Variants in EBF3 observed in about 807,000 individuals in gnomAD.
EBF3 encodes the protein EBF transcription factor 3.
In EBF3, 18 loss-of-function variants were observed where a neutral mutation model predicts 77.1. That is an observed-to-expected ratio of 0.23 (90% CI 0.16 to 0.35). EBF3 has a LOEUF of 0.35. Among genes scored for constraint, EBF3 ranks in the 10% least tolerant of loss-of-function variants. The pLI is 1.00. For missense variants in EBF3, 558 were observed against 860.0 expected (o/e 0.65, Z 4.39); for synonymous variants, 350 against 343.5 (o/e 1.02, Z -0.21).
chr10:129,960,919 A>C (rs1014732580), intron 4 of EBF3, among the ~76,000 whole-genome samples: 1 of 152,090 alleles, frequency 6.6e-6, no homozygotes, highest in African/African-American at 2.4e-5. Context: ...CTCTGAATCG[A>C]GTGAAATAAT....
chr10:129,847,749 A>G (rs1256633372), intron 11 of EBF3, among the ~76,000 whole-genome samples: 1 of 152,256 alleles, frequency 6.6e-6, no homozygotes, highest in Non-Finnish European at 1.5e-5. Flanking sequence ...AGGAAAAATT[A>G]TAAGCTTGAC....
chr10:129,926,215 G>C (rs1856658123), intron 6 of EBF3, among the ~76,000 whole-genome samples: 2 of 152,164 alleles, frequency 1.3e-5, no homozygotes, highest in African/African-American at 4.8e-5. Flanking sequence ...GCATCTGACG[G>C]GTGCCAGTCC....
At chr10:129,876,885 A>AACCCCCCCCCCCCCCCCC (rs1852809898) in intron 7 of EBF3, among the ~76,000 whole-genome samples, 1 of 42,368 alleles carries the variant, frequency 2.4e-5, no homozygotes, top group Non-Finnish European at 4.4e-5. Flanking sequence ...TCATCCCTGA[A>AACCCCCCCCCCCCCCCCC]CCCCCCCCCC....
Position 129,870,005 on chromosome 10 carries a change from TTACAG to T in EBF3, c.782-2098_782-2094del, listed in dbSNP as rs1214843818. Reference sequence around the variant, plus strand: ...GCAAATAATTCACAAAAAAAAAAAATTACAGTAAACAAATTTACTTTGGAGGTGAG... The same window carrying T: ...GCAAATAATTCACAAAAAAAAAAAATTAAACAAATTTACTTTGGAGGTGAG... On this transcript the variant is annotated intron_variant, in intron 8 of 16. Transcript: ENST00000440978. This position sits in a 1 kb window ranked among gnomAD's most constrained non-coding sequence, Gnocchi z 4.4. Among the ~76,000 whole-genome samples, 4 of 150,926 alleles carry T rather than the reference TTACAG, an allele frequency of 2.7e-5. No individual in the cohort carries two copies. Among genetic ancestry groups the T allele is most frequent in the Non-Finnish European group, 5.9e-5 (4 of 67,716 alleles).
intron 6 of EBF3, among the ~76,000 whole-genome samples, chr10:129,924,614 T>G (rs991587713): frequency 6.6e-6 from 1 of 152,120 alleles, no homozygotes; most frequent in African/African-American, 2.4e-5. Context: ...CAATCCCACA[T>G]CTCCGTGTAT....
chr10:129,951,710 G>A (rs116700197), intron 6 of EBF3, among the ~76,000 whole-genome samples: 1,886 of 152,332 alleles, frequency 0.012, 42 homozygotes, highest in African/African-American at 0.043. Flanking sequence ...CGCGGCAGGC[G>A]ACCACGCAAG....
chr10:129,958,739 G>T (rs1440764779), intron 5 of EBF3, among the ~76,000 whole-genome samples, 195 bp downstream of exon 5: 1 of 152,166 alleles, frequency 6.6e-6, no homozygotes, highest in Non-Finnish European at 1.5e-5. Flanking sequence ...GCAGCGGGTC[G>T]CGTTGATCGT....
At chr10:129,914,322 T>C (rs1317283845) in intron 6 of EBF3, among the ~76,000 whole-genome samples, 1 of 152,128 alleles carries the variant, frequency 6.6e-6, no homozygotes, top group East Asian at 1.9e-4. Context: ...TGGGCATCAG[T>C]GCTCTGGGCA....
intron 7 of EBF3, 118 bp downstream of exon 7, chr10:129,877,649 GT>G: frequency 2.6e-6 from 2 of 759,788 alleles, no homozygotes; most frequent in East Asian, 2.6e-5. Context: ...ACCAATTCCA[GT>G]TTGCTTCCAA....
rs376036741 is a variant in EBF3 at position 129,942,615 on chromosome 10, A to G, written c.554+14643T>C. On this transcript the variant is annotated intron_variant, in intron 6 of 16. Transcript: ENST00000440978. ...GGGGCACTGGGGAAAATTGGGGACT[A>G]CCACGTCCACACAGGGTGCATTCCA... 2.6e-5 allele frequency among the ~76,000 whole-genome samples: 4 copies of G among 152,274 alleles called. No homozygotes were observed. In the East Asian group the frequency reaches 7.7e-4, roughly 29 times the overall value.
At chr10:129,959,337 A>T (rs951640353) in intron 4 of EBF3, among the ~76,000 whole-genome samples, 5 of 151,318 alleles carry the variant, frequency 3.3e-5, no homozygotes, top group Non-Finnish European at 7.4e-5. Context: ...AAGGAGCGAG[A>T]GCCCGCTGGC....
chr10:129,846,389 ATAT>A (rs1252649393), intron 11 of EBF3, among the ~76,000 whole-genome samples: 2 of 151,982 alleles, frequency 1.3e-5, no homozygotes, highest in African/African-American at 2.4e-5. Context: ...TATTGTGGTA[ATAT>A]TATCAACTGC....
chr10:129,931,564 C>A (rs556345400), intron 6 of EBF3, among the ~76,000 whole-genome samples: 2 of 152,252 alleles, frequency 1.3e-5, no homozygotes. Flanking sequence ...TGTCTGGGGC[C>A]GCGACTGTGA....
Position 129,837,915 on chromosome 10 carries a change from T to TAAAC in EBF3, c.*24_*27dup, listed in dbSNP as rs201458672. The stretch of plus-strand genomic sequence containing the variant: ...CTTTGATGCTGGGTGCTGCGGAAGG[T>TAAAC]AAACAGAAGTCCCTCACATTGGCGG... On this transcript the variant is annotated 3_prime_UTR_variant, in exon 17 of 17. Coordinates refer to ENST00000440978, the MANE Select transcript of EBF3 (RefSeq NM_001375380.1). 2,243 of 1,614,162 alleles carry TAAAC rather than the reference T, an allele frequency of 1.4e-3. 22 individuals carry two copies. In the African/African-American group the frequency reaches 0.026, roughly 19 times the overall value.
chr10:129,880,787 C>G (rs1231210173), intron 6 of EBF3, among the ~76,000 whole-genome samples: 1 of 152,190 alleles, frequency 6.6e-6, no homozygotes, highest in Non-Finnish European at 1.5e-5. Context: ...AAGAGCTCTG[C>G]GCTTACCTCT....
chr10:129,923,240 T>C (rs546567763), intron 6 of EBF3, among the ~76,000 whole-genome samples: 1 of 152,212 alleles, frequency 6.6e-6, no homozygotes, highest in Non-Finnish European at 1.5e-5. Context: ...AACAGTAGAA[T>C]CATTTTGCAA....
chr10:129,920,763 G>A (rs190565216), intron 6 of EBF3, among the ~76,000 whole-genome samples: 6 of 152,366 alleles, frequency 3.9e-5, no homozygotes. Flanking sequence ...TGCCAGATGA[G>A]AAGGGCCCAG....
intron 4 of EBF3, among the ~76,000 whole-genome samples, chr10:129,959,986 G>C (rs1023592125): frequency 6.6e-5 from 10 of 152,210 alleles, no homozygotes; most frequent in African/African-American, 2.4e-4. Flanking sequence ...CCGCCAGATG[G>C]TGCGAAGCCC....
intron 10 of EBF3, among the ~76,000 whole-genome samples, chr10:129,866,720 C>T (rs1286395498): frequency 6.6e-6 from 1 of 152,286 alleles, no homozygotes; most frequent in Non-Finnish European, 1.5e-5. Flanking sequence ...CTCTGAGCCT[C>T]GGCCTGTGCA....
Sources: allele counts gnomAD v4.1 joint callset (sites outside exome capture counted in the v4.1 genomes callset), GRCh38; gene constraint gnomAD v4.1.1; non-coding constraint Gnocchi (gnomAD v3.1); transcripts MANE v1.5; gene names NCBI Gene and HGNC (gene_info 2026-07-23, HGNC 2026-07-21).